Variants in EXOC6B observed in about 807,000 individuals in gnomAD.
EXOC6B encodes the protein SEC15 homolog B.
EXOC6B carries 54 observed loss-of-function variants against 113.5 expected under a neutral mutation model. The ratio of observed to expected loss-of-function variants is 0.48; its 90% confidence interval spans 0.38 to 0.60. The LOEUF (loss-of-function observed/expected upper bound fraction) is 0.60, where lower values mean the gene tolerates loss of function less well. Among genes scored for constraint, EXOC6B ranks in the 20% least tolerant of loss-of-function variants. The probability of loss-of-function intolerance (pLI) is 0.00; values close to 1 mark genes in which losing one functional copy is unlikely to be tolerated. For missense variants in EXOC6B, 797 were observed against 977.5 expected, an observed-to-expected ratio of 0.82 and a Z score of 2.46; for synonymous variants, 357 against 339.0, an observed-to-expected ratio of 1.05 and a Z score of -0.58.
intron 1 of EXOC6B, among the ~76,000 whole-genome samples, chr2:72,746,213 T>C: frequency 6.6e-6 from 1 of 152,062 alleles, no homozygotes; most frequent in South Asian, 2.1e-4. Context: ...AGACAATCTA[T>C]GGAATAAACT....
intron 20 of EXOC6B, among the ~76,000 whole-genome samples, chr2:72,316,540 T>A (rs1248579210): frequency 2.0e-5 from 3 of 152,226 alleles, no homozygotes; most frequent in African/African-American, 7.2e-5. Flanking sequence ...AGGAAAATGA[T>A]GAATCTATTT....
intron 19 of EXOC6B, among the ~76,000 whole-genome samples, chr2:72,374,019 G>A (rs1371242359): frequency 1.3e-5 from 2 of 152,004 alleles, no homozygotes; most frequent in African/African-American, 4.8e-5. Flanking sequence ...ATTGCAGTAA[G>A]CCAAGTCATG....
chr2:72,407,065 C>A (rs1448136778), intron 18 of EXOC6B, among the ~76,000 whole-genome samples: 1 of 152,102 alleles, frequency 6.6e-6, no homozygotes, highest in African/African-American at 2.4e-5. Flanking sequence ...TACAAACTAC[C>A]ATCAGAGAAT....
At chr2:72,233,020 C>G (rs1048974264) in intron 20 of EXOC6B, among the ~76,000 whole-genome samples, 2 of 150,642 alleles carry the variant, frequency 1.3e-5, no homozygotes, top group Non-Finnish European at 3.0e-5. Flanking sequence ...TTCAGTGAGC[C>G]GAGACCATGC....
intron 20 of EXOC6B, among the ~76,000 whole-genome samples, chr2:72,321,724 A>G (rs928442428): frequency 6.6e-6 from 1 of 152,198 alleles, no homozygotes; most frequent in Non-Finnish European, 1.5e-5. Context: ...GTTGCCAGGG[A>G]ATACAGTAGA....
rs144348717 is a variant in EXOC6B at position 72,206,184 on chromosome 2, C to A, written c.2197-21997G>T. Among the ~76,000 whole-genome samples the A allele has an allele frequency of 4.9e-3, 745 of 152,258 alleles. 3 individuals are homozygous for A. Among genetic ancestry groups the A allele is most frequent in the African/African-American group, 0.017 (708 of 41,544 alleles). On this transcript the variant is annotated intron_variant, in intron 20 of 21. Coordinates refer to ENST00000272427, the MANE Select transcript of EXOC6B (RefSeq NM_015189.3). ...TATTTTACCGATAAGGTAATTGAGG[C>A]ACAGGACAATTTAAGCAACTGCTCA... is the stretch of plus-strand genomic sequence containing the variant.
At chr2:72,269,432 C>T (rs1430497146) in intron 20 of EXOC6B, among the ~76,000 whole-genome samples, 1 of 152,168 alleles carries the variant, frequency 6.6e-6, no homozygotes, top group Admixed American at 6.5e-5. Flanking sequence ...TGAATGAATG[C>T]TTGCTATTTT....
At chr2:72,555,526 A>G (rs1426585778) in intron 8 of EXOC6B, among the ~76,000 whole-genome samples, 1 of 152,050 alleles carries the variant, frequency 6.6e-6, no homozygotes, top group Non-Finnish European at 1.5e-5. Context: ...GCATTTTTTC[A>G]TATGTCTGTT....
intron 6 of EXOC6B, among the ~76,000 whole-genome samples, chr2:72,581,578 T>C (rs1705227046): frequency 1.3e-5 from 2 of 152,210 alleles, no homozygotes; most frequent in Non-Finnish European, 2.9e-5. Flanking sequence ...GTGGTCACTA[T>C]ACCATCTTTA....
intron 19 of EXOC6B, among the ~76,000 whole-genome samples, chr2:72,340,227 A>C (rs187106513): frequency 5.7e-4 from 87 of 152,328 alleles, no homozygotes; most frequent in Middle Eastern, 3.4e-3. Context: ...AGGGGCCTTG[A>C]GAAGTCAAAA....
At chr2:72,476,677 A>G (rs1444159574) in intron 17 of EXOC6B, among the ~76,000 whole-genome samples, 2 of 151,324 alleles carry the variant, frequency 1.3e-5, no homozygotes, top group Non-Finnish European at 1.5e-5. Flanking sequence ...CTTCCTTTCA[A>G]TGAAGCACAG....
chr2:72,313,857 T>C (rs1289326506), intron 20 of EXOC6B, among the ~76,000 whole-genome samples: 2 of 152,196 alleles, frequency 1.3e-5, no homozygotes, highest in East Asian at 1.9e-4. Flanking sequence ...TAGCCAGTCA[T>C]AGATTTAGCA....
chr2:72,595,507 T>C (rs1573456951), intron 6 of EXOC6B, among the ~76,000 whole-genome samples: 1 of 151,550 alleles, frequency 6.6e-6, no homozygotes, highest in Admixed American at 6.6e-5. Flanking sequence ...ACAGAAAAAG[T>C]TATCAAAGAA....
intron 18 of EXOC6B, among the ~76,000 whole-genome samples, chr2:72,410,313 G>A (rs534223717): frequency 1.1e-3 from 173 of 152,254 alleles, no homozygotes; most frequent in African/African-American, 3.8e-3. Context: ...TTGATGGAAC[G>A]TTTCTGAAAA....
chr2:72,630,001 C>T (rs1025216104), intron 6 of EXOC6B, among the ~76,000 whole-genome samples: 3 of 152,168 alleles, frequency 2.0e-5, no homozygotes, highest in African/African-American at 7.2e-5. Context: ...TATTATAATA[C>T]TCATTATTAT....
chr2:72,817,586 C>A (rs997963841), intron 1 of EXOC6B, among the ~76,000 whole-genome samples: 16 of 151,256 alleles, frequency 1.1e-4, no homozygotes, highest in Non-Finnish European at 2.2e-4. Context: ...TCCCTTCCCC[C>A]CTTGAACAGA....
At position 72,214,806 on chromosome 2, in the gene EXOC6B, G is replaced by C. The variant is rs1680414549; in HGVS notation, c.2197-30619C>G. Reference sequence around the variant, plus strand: ...CAGAAACAAAAGCTGAGAACTCAGGGGAAGCTTTTCCAAAAGGTTGATGCT... The same window carrying C: ...CAGAAACAAAAGCTGAGAACTCAGGCGAAGCTTTTCCAAAAGGTTGATGCT... On this transcript the variant is annotated intron_variant, in intron 20 of 21. Transcript: ENST00000272427. Among the ~76,000 whole-genome samples, 10 of 152,240 alleles carry C rather than the reference G, an allele frequency of 6.6e-5. No individual in the cohort carries two copies. The South Asian group carries it at 2.1e-3, about 32-fold the overall frequency.
intron 1 of EXOC6B, among the ~76,000 whole-genome samples, chr2:72,814,278 T>G (rs1686092661): frequency 1.3e-5 from 2 of 152,206 alleles, no homozygotes; most frequent in Admixed American, 1.3e-4. Context: ...TTATTTAGAG[T>G]TCTAAACACT....
intron 20 of EXOC6B, among the ~76,000 whole-genome samples, chr2:72,326,678 C>T (rs1385528003): frequency 1.3e-5 from 2 of 151,870 alleles, no homozygotes; most frequent in African/African-American, 2.4e-5. Context: ...GGAGAGTTGT[C>T]AAAGATTAGA....
Sources: gnomAD v4.1 joint callset for allele counts (sites outside exome capture counted in the v4.1 genomes callset) on GRCh38, gnomAD v4.1.1 for gene constraint, MANE v1.5 for transcripts, NCBI Gene and HGNC (gene_info 2026-07-23, HGNC 2026-07-21) for gene names.